Variants in RIC1 observed in about 807,000 individuals in gnomAD.
The protein encoded by RIC1 is guanine nucleotide exchange factor subunit RIC1.
Under a neutral mutation model 169.0 loss-of-function variants are expected in RIC1, and 88 were observed. That is an observed-to-expected ratio of 0.52 (90% CI 0.44 to 0.62). RIC1 has a LOEUF of 0.62. Among genes scored for constraint, RIC1 ranks in the 20% least tolerant of loss-of-function variants. The pLI is 0.00. For missense variants in RIC1, 1,877 were observed against 1,725.5 expected (o/e 1.09, Z -1.56); for synonymous variants, 790 against 601.5 (o/e 1.31, Z -4.59).
chr9:5,763,535 G>A lies in RIC1; in HGVS notation c.2508G>A (p.Leu836=). The change falls in exon 19 of 26, where the codon CTG becomes CTA. Residue 836 remains leucine, a synonymous_variant. Coordinates refer to ENST00000414202, the MANE Select transcript of RIC1 (RefSeq NM_020829.4). This position sits in a 1 kb window ranked among gnomAD's most constrained non-coding sequence, Gnocchi z 5.2. ...TCCACCACATTCTACGTCAACTTCT[G>A]GTCAGAAACCTTGGGGAGCAAGCCT... ...IYLHHILRQL[L]VRNLGEQALL... 6.2e-7 allele frequency: 1 copy of A among 1,614,112 alleles called. No individual in the cohort carries two copies. Among genetic ancestry groups the A allele is most frequent in the Non-Finnish European group, 8.5e-7 (1 of 1,180,020 alleles).
intron 17 of RIC1, among the ~76,000 whole-genome samples, chr9:5,757,842 C>T (rs891938100): frequency 2.6e-5 from 4 of 152,204 alleles, no homozygotes; most frequent in African/African-American, 9.6e-5. Context: ...GGCCCATAGA[C>T]AAGGCAGAAC....
At chr9:5,636,899 T>C (rs1381454949) in intron 1 of RIC1, among the ~76,000 whole-genome samples, 1 of 152,220 alleles carries the variant, frequency 6.6e-6, no homozygotes, top group African/African-American at 2.4e-5. Context: ...TCTTAATTTG[T>C]ATTATCTATA....
rs190169341 is a variant in RIC1 at position 5,732,457 on chromosome 9, C to T, written c.790C>T (p.Leu264=). 3 of 1,610,904 alleles carry T rather than the reference C, an allele frequency of 1.9e-6. No individual in the cohort carries two copies. Among genetic ancestry groups the T allele is most frequent in the East Asian group, 2.2e-5 (1 of 44,752 alleles). Residue 264 remains leucine, a synonymous_variant, in exon 7 of 26, where the codon CTA becomes TTA. Transcript: ENST00000414202. ...TGTAGCAGTAAATAACAAGTATCGA[C>T]TAATGGCATTTGGCTGTGTGAGGTA... is the stretch of plus-strand genomic sequence containing the variant. ...TCVAVNNKYR[L]MAFGCVSGSV...
intron 1 of RIC1, among the ~76,000 whole-genome samples, chr9:5,638,012 G>C (rs1818059456): frequency 6.6e-6 from 1 of 152,012 alleles, no homozygotes; most frequent in African/African-American, 2.4e-5. Flanking sequence ...ATTATGTTGA[G>C]GTATGTTCCT....
chr9:5,771,897 C>T (rs1827247166), intron 23 of RIC1, among the ~76,000 whole-genome samples: 1 of 152,134 alleles, frequency 6.6e-6, no homozygotes, highest in Non-Finnish European at 1.5e-5. Flanking sequence ...TGAAGAAAAT[C>T]CATGACATAT....
intron 13 of RIC1, 54 bp from the exon 14 acceptor site, chr9:5,753,482 C>CTAA: frequency 9.1e-7 from 1 of 1,096,624 alleles, no homozygotes; most frequent in Non-Finnish European, 1.4e-6. Flanking sequence ...CTCTTTATGC[C>CTAA]TAATAAAGTA....
At chr9:5,667,313 C>G (rs1369957211) in intron 2 of RIC1, among the ~76,000 whole-genome samples, 1 of 152,126 alleles carries the variant, frequency 6.6e-6, no homozygotes, top group Non-Finnish European at 1.5e-5. Flanking sequence ...TAGAGCAAGA[C>G]TCCGTATCAG....
intron 2 of RIC1, among the ~76,000 whole-genome samples, chr9:5,689,109 C>A (rs186603382): frequency 8.2e-6 from 1 of 122,538 alleles, no homozygotes; most frequent in Non-Finnish European, 1.6e-5. Context: ...AGTGCAGTGG[C>A]GCGATCTTAG....
chr9:5,724,562 G>C (rs953315743), intron 6 of RIC1, among the ~76,000 whole-genome samples: 2 of 152,090 alleles, frequency 1.3e-5, no homozygotes, highest in African/African-American at 4.8e-5. Flanking sequence ...TCTTTCTTCT[G>C]CCTGATTGCT....
chr9:5,633,868 A>G (rs1817842656), intron 1 of RIC1, among the ~76,000 whole-genome samples: 1 of 152,130 alleles, frequency 6.6e-6, no homozygotes, highest in Admixed American at 6.6e-5. Flanking sequence ...TATACCTGAA[A>G]ATTTGTACCT....
intron 17 of RIC1, 149 bp from the exon 18 acceptor site, chr9:5,762,392 C>G: frequency 1.1e-6 from 1 of 904,670 alleles, no homozygotes; most frequent in South Asian, 2.5e-5. Context: ...TCCTTATATT[C>G]CCACAGAGCC....
chr9:5,754,973 AGC>A (rs1563952951), intron 15 of RIC1, 43 bp downstream of exon 15: 1 of 1,244,570 alleles, frequency 8.0e-7, no homozygotes, highest in Non-Finnish European at 1.1e-6. Flanking sequence ...TATATTTTAA[AGC>A]TATTAAGCAT....
Position 5,763,249 on chromosome 9 carries a change from G to T in RIC1, c.2222G>T (p.Cys741Phe), listed in dbSNP as rs1826457598. The change falls in exon 19 of 26, where the codon TGT (cysteine) becomes TTT (phenylalanine). Residue 741 changes from cysteine (C) to phenylalanine (F), a missense_variant. By Grantham distance (205) the Cys-to-Phe change is radical. Transcript: ENST00000414202. This position sits in a 1 kb window ranked among gnomAD's most constrained non-coding sequence, Gnocchi z 5.2. ...RHLLEALWLSCGGAGMKVWLP... is the reference protein window; with the variant it reads ...RHLLEALWLSFGGAGMKVWLP... ...CTTCTGGAGGCCCTCTGGCTGAGCT[G>T]TGGTGGTGCAGGGATGAAAGTTTGG... The T allele has an allele frequency of 1.2e-6, 2 of 1,614,048 alleles. No individual in the cohort carries two copies. Among genetic ancestry groups the T allele is most frequent in the South Asian group, 1.1e-5 (1 of 91,080 alleles).
In RIC1 at chr9:5,708,821, C is replaced by T. The variant is rs558977290; in HGVS notation, c.333-5075C>T. Among the ~76,000 whole-genome samples the T allele has an allele frequency of 2.0e-5, 3 of 152,200 alleles. No individual in the cohort carries two copies. The South Asian group carries it at 6.2e-4, about 32-fold the overall frequency. On this transcript the variant is annotated intron_variant, in intron 3 of 25. Coordinates refer to ENST00000414202, the MANE Select transcript of RIC1 (RefSeq NM_020829.4). ...TGTAACCATGATTTCTTCATATATTCTCTTTTCTCTCTCCTTGCCTTTGGA... is the reference window on the plus strand; with the variant it reads ...TGTAACCATGATTTCTTCATATATTTTCTTTTCTCTCTCCTTGCCTTTGGA...
At chr9:5,752,598 G>A (rs1447724007) in intron 12 of RIC1, among the ~76,000 whole-genome samples, 1 of 151,926 alleles carries the variant, frequency 6.6e-6, no homozygotes, top group Non-Finnish European at 1.5e-5. Flanking sequence ...GCACCATCAT[G>A]CACGGTTTCG....
chr9:5,640,541 A>G (rs534670963), intron 1 of RIC1, among the ~76,000 whole-genome samples: 1 of 152,330 alleles, frequency 6.6e-6, no homozygotes, highest in South Asian at 2.1e-4. Context: ...AGTAGTTTAC[A>G]CACTACAATA....
At chr9:5,736,900 G>C (rs978920103) in intron 7 of RIC1, among the ~76,000 whole-genome samples, 1 of 151,622 alleles carries the variant, frequency 6.6e-6, no homozygotes, top group African/African-American at 2.4e-5. Flanking sequence ...GTTAGTCCCA[G>C]TTCTAATCCT....
chr9:5,636,824 C>G (rs774721471), intron 1 of RIC1, among the ~76,000 whole-genome samples: 1 of 152,026 alleles, frequency 6.6e-6, no homozygotes, highest in East Asian at 1.9e-4. Flanking sequence ...TGCTTTATAT[C>G]GTAAGTTTTG....
chr9:5,745,622 T>C (rs1352193893), intron 10 of RIC1, among the ~76,000 whole-genome samples: 2 of 152,136 alleles, frequency 1.3e-5, no homozygotes, highest in African/African-American at 4.8e-5. Context: ...GCAGCTAAAT[T>C]AAAGCAATAG....
Sources: gnomAD v4.1 joint callset for allele counts (sites outside exome capture counted in the v4.1 genomes callset) on GRCh38, gnomAD v4.1.1 for gene constraint, Gnocchi (gnomAD v3.1) non-coding constraint, MANE v1.5 for transcripts, NCBI Gene and HGNC (gene_info 2026-07-23, HGNC 2026-07-21) for gene names.